The following NRXN3 variants were observed in gnomAD, a reference collection of about 807,000 sequenced individuals.
The protein encoded by NRXN3 is neurexin III.
A neutral mutation model predicts 137.6 loss-of-function variants in NRXN3; 32 were observed. The ratio of observed to expected loss-of-function variants is 0.23; its 90% CI spans 0.18 to 0.31. The LOEUF is 0.31. Among genes scored for constraint, NRXN3 ranks in the 10% least tolerant of loss-of-function variants. The pLI, the probability that NRXN3 is intolerant of heterozygous loss-of-function variation, is 1.00. For missense variants in NRXN3, 1,574 were observed against 2,062.5 expected (o/e 0.76, Z 4.59); for synonymous variants, 798 against 784.5 (o/e 1.02, Z -0.29).
Position 79,017,661 on chromosome 14 carries a change from A to G in NRXN3, c.3262+29520A>G, listed in dbSNP as rs534676521. Among the ~76,000 whole-genome samples, 68 of 152,242 alleles carry G rather than the reference A, an allele frequency of 4.5e-4. 1 individual carries two copies. The South Asian group carries it at 0.014, about 31-fold the overall frequency. ...CGGGTCAGCTTGCACATTCTATGCT[A>G]TATATATAATGAGGGAGATATAGTT... On this transcript the variant is annotated intron_variant, in intron 15 of 20. Transcript: ENST00000335750.
intron 15 of NRXN3, among the ~76,000 whole-genome samples, chr14:79,305,024 C>G (rs1360858610): frequency 6.6e-6 from 1 of 152,076 alleles, no homozygotes; most frequent in East Asian, 1.9e-4. Context: ...GTTGGCATCT[C>G]TAGACCACTG....
intron 16 of NRXN3, among the ~76,000 whole-genome samples, chr14:79,583,460 G>A (rs926548787): frequency 5.3e-5 from 8 of 151,808 alleles, no homozygotes; most frequent in African/African-American, 1.7e-4. Flanking sequence ...TATTTGTTGT[G>A]AGCACGATCT....
At chr14:79,145,242 A>G in intron 15 of NRXN3, among the ~76,000 whole-genome samples, 1 of 152,300 alleles carries the variant, frequency 6.6e-6, no homozygotes, top group Middle Eastern at 3.4e-3. Context: ...AAAGTATATA[A>G]CTGAAATTTT....
chr14:79,755,616 C>G (rs1393287069), intron 19 of NRXN3, among the ~76,000 whole-genome samples: 1 of 150,912 alleles, frequency 6.6e-6, no homozygotes, highest in Non-Finnish European at 1.5e-5. Context: ...CCCTACCATT[C>G]TTATTGTCTT....
At chr14:79,352,732 AG>A (rs2093269603) in intron 15 of NRXN3, among the ~76,000 whole-genome samples, 2 of 152,266 alleles carry the variant, frequency 1.3e-5, no homozygotes, top group South Asian at 4.1e-4. Context: ...AACTCTTCTA[AG>A]TGCTCTGCAT....
At chr14:78,326,657 T>G (rs2080127040) in intron 4 of NRXN3, among the ~76,000 whole-genome samples, 1 of 152,172 alleles carries the variant, frequency 6.6e-6, no homozygotes, top group African/African-American at 2.4e-5. Context: ...AGAAGTAAGA[T>G]GAAGCGTGGT....
At chr14:79,074,175 A>G (rs2099692093) in intron 15 of NRXN3, among the ~76,000 whole-genome samples, 1 of 152,204 alleles carries the variant, frequency 6.6e-6, no homozygotes, top group African/African-American at 2.4e-5. Context: ...TCCATTCCAC[A>G]TTTCTACAAA....
chr14:79,135,481 T>C (rs2058121117), intron 15 of NRXN3, among the ~76,000 whole-genome samples: 2 of 152,204 alleles, frequency 1.3e-5, no homozygotes, highest in South Asian at 4.1e-4. Context: ...CTGTCCTCTA[T>C]GGGCTTGCTA....
At chr14:78,908,608 G>A (rs1023789961) in intron 10 of NRXN3, among the ~76,000 whole-genome samples, 2 of 151,894 alleles carry the variant, frequency 1.3e-5, no homozygotes, top group Non-Finnish European at 2.9e-5. Flanking sequence ...AAAAAACTGG[G>A]CATCACTTAA....
intron 16 of NRXN3, among the ~76,000 whole-genome samples, chr14:79,471,001 G>T (rs1189958848): frequency 7.0e-6 from 1 of 143,640 alleles, no homozygotes; most frequent in Non-Finnish European, 1.5e-5. Context: ...TGTGTGTTGG[G>T]GAGAAGGAGA....
intron 11 of NRXN3, among the ~76,000 whole-genome samples, chr14:78,958,647 G>C (rs2099401956): frequency 6.6e-6 from 1 of 152,142 alleles, no homozygotes. Flanking sequence ...GAGCCATCGC[G>C]CCAGGCCTTA....
At chr14:79,411,769 T>G (rs762981088) in intron 15 of NRXN3, among the ~76,000 whole-genome samples, 36 of 152,122 alleles carry the variant, frequency 2.4e-4, no homozygotes, top group Non-Finnish European at 4.7e-4. Flanking sequence ...AGTAAACAAT[T>G]ATAAGTAAAT....
chr14:79,135,299 T>C (rs983768761), intron 15 of NRXN3, among the ~76,000 whole-genome samples: 7 of 152,224 alleles, frequency 4.6e-5, no homozygotes, highest in Non-Finnish European at 8.8e-5. Flanking sequence ...GAAAAAGTCA[T>C]AGAACCTCTC....
At chr14:79,419,176 A>G (rs2095540226) in intron 15 of NRXN3, among the ~76,000 whole-genome samples, 2 of 152,222 alleles carry the variant, frequency 1.3e-5, no homozygotes, top group Non-Finnish European at 2.9e-5. Context: ...ACATCTTGAA[A>G]GAAGTTCTTT....
At position 79,350,749 on chromosome 14, in the gene NRXN3, G is replaced by A. The variant is rs545058573; in HGVS notation, c.3263-116472G>A. Reference sequence around the variant, plus strand: ...ATCGGGGCCATCTCTGAGCTACATGGTTAGGTCAGTGGCACCTTTCTCTGA... The same window carrying A: ...ATCGGGGCCATCTCTGAGCTACATGATTAGGTCAGTGGCACCTTTCTCTGA... On this transcript the variant is annotated intron_variant, in intron 15 of 20. Coordinates refer to ENST00000335750, the MANE Select transcript of NRXN3 (RefSeq NM_001330195.2). 5.9e-5 allele frequency among the ~76,000 whole-genome samples: 9 copies of A among 152,208 alleles called. No homozygotes were observed. In the East Asian group the frequency reaches 1.7e-3, roughly 29 times the overall value.
intron 10 of NRXN3, among the ~76,000 whole-genome samples, chr14:78,832,395 A>G (rs1038523582): frequency 2.6e-5 from 4 of 152,188 alleles, no homozygotes; most frequent in African/African-American, 9.6e-5. Flanking sequence ...AAACAGCTGT[A>G]ATTACACAGC....
rs1014524457 is a variant in NRXN3 at position 79,118,156 on chromosome 14, A to G, written c.3262+130015A>G. On this transcript the variant is annotated intron_variant, in intron 15 of 20. Coordinates refer to ENST00000335750, the MANE Select transcript of NRXN3 (RefSeq NM_001330195.2). ...CACACATCATCCACATACATGAGGG[A>G]AAAAAAAAAAAAAAAGGAATGACTC... Among the ~76,000 whole-genome samples, 141 of 128,646 alleles carry G rather than the reference A, an allele frequency of 1.1e-3. 1 individual carries two copies. Among genetic ancestry groups the G allele is most frequent in the South Asian group, 3.9e-3 (17 of 4,304 alleles). The allele number at this position is 128,646 out of a possible 152,430, so 84.4% of individuals were successfully genotyped here.
At chr14:78,660,123 A>C (rs550536368) in intron 6 of NRXN3, among the ~76,000 whole-genome samples, 1 of 152,110 alleles carries the variant, frequency 6.6e-6, no homozygotes, top group East Asian at 1.9e-4. Flanking sequence ...AGGAGCACTG[A>C]GGTCTCAAAG....
chr14:78,340,755 C>T (rs1033169248), intron 4 of NRXN3, among the ~76,000 whole-genome samples: 4 of 152,142 alleles, frequency 2.6e-5, no homozygotes, highest in Non-Finnish European at 4.4e-5. Context: ...TCACTTAAGC[C>T]CACTTCTGTT....
Sources: allele counts gnomAD v4.1 joint callset (sites outside exome capture counted in the v4.1 genomes callset), GRCh38; gene constraint gnomAD v4.1.1; transcripts MANE v1.5; gene names NCBI Gene and HGNC (gene_info 2026-07-23, HGNC 2026-07-21).